Variants in FBXL13 observed in about 807,000 individuals in gnomAD.
FBXL13 encodes F-box and leucine-rich repeat protein 13.
FBXL13 carries 67 observed loss-of-function variants against 83.6 expected under a neutral mutation model. The ratio of observed to expected loss-of-function variants is 0.80; its 90% CI spans 0.66 to 0.98. The LOEUF is 0.98. Ranked by LOEUF, FBXL13 falls within the 50% of genes least tolerant of loss-of-function variation. The pLI is 0.00. For missense variants in FBXL13, 822 were observed against 866.5 expected, an observed-to-expected ratio of 0.95 and a Z score of 0.64; for synonymous variants, 272 against 299.5, an observed-to-expected ratio of 0.91 and a Z score of 0.95.
At chr7:102,970,200 A>G (rs1826471020) in intron 6 of FBXL13, among the ~76,000 whole-genome samples, 1 of 150,920 alleles carries the variant, frequency 6.6e-6, no homozygotes. Context: ...GCAGTAAGCC[A>G]TGGTCATGCG....
chr7:102,935,728 T>C (rs979527176), intron 8 of FBXL13, among the ~76,000 whole-genome samples: 2 of 152,164 alleles, frequency 1.3e-5, no homozygotes, highest in South Asian at 2.1e-4. Context: ...TAACGAACCA[T>C]GTAACAATGT....
At chr7:103,043,304 T>G (rs904146490) in intron 2 of FBXL13, among the ~76,000 whole-genome samples, 4 of 152,130 alleles carry the variant, frequency 2.6e-5, no homozygotes, top group Admixed American at 6.5e-5. Flanking sequence ...TGGAGATCAT[T>G]AAGAAGTCAG....
chr7:102,962,153 A>G (rs1305634826), intron 8 of FBXL13, among the ~76,000 whole-genome samples: 1 of 150,954 alleles, frequency 6.6e-6, no homozygotes, highest in Admixed American at 6.6e-5. Flanking sequence ...AAAACAAACA[A>G]CCCCATCAAA....
intron 16 of FBXL13, among the ~76,000 whole-genome samples, chr7:102,861,549 G>A (rs1256183178): frequency 2.0e-5 from 3 of 152,134 alleles, no homozygotes; most frequent in African/African-American, 4.8e-5. Context: ...TTTATTAGAA[G>A]AGGTATATTT....
At chr7:102,843,155 A>T (rs1037839886) in intron 17 of FBXL13, among the ~76,000 whole-genome samples, 1 of 152,220 alleles carries the variant, frequency 6.6e-6, no homozygotes, top group African/African-American at 2.4e-5. Context: ...TGTTATTTCA[A>T]GTGGTAGGCC....
chr7:103,069,117 G>A (rs533326511), intron 1 of FBXL13, among the ~76,000 whole-genome samples: 9 of 149,212 alleles, frequency 6.0e-5, no homozygotes, highest in South Asian at 4.2e-4. Flanking sequence ...CCTGGCTGTC[G>A]CCCCCTCTGG....
In FBXL13 at chr7:103,055,871, A is replaced by T. The variant is rs1418076738; in HGVS notation, c.-104-124T>A. On this transcript the variant is annotated intron_variant, in intron 1 of 19. Coordinates refer to ENST00000313221, the Ensembl canonical transcript of FBXL13. Reference sequence around the variant, plus strand: ...TTGGTTTTTAATTATTTATTTCCATAGGTTTTTGGGGAACAGGTGGTGTTT... The same window carrying T: ...TTGGTTTTTAATTATTTATTTCCATTGGTTTTTGGGGAACAGGTGGTGTTT... 1.2e-5 allele frequency: 5 copies of T among 428,810 alleles called. No individual in the cohort carries two copies. The Admixed American group carries it at 1.9e-4, about 16-fold the overall frequency. The allele number at this position is 428,810 out of a possible 1,614,324, so 26.6% of individuals were successfully genotyped here. A position where few individuals can be genotyped will look rare whatever the true frequency, so the allele number is the denominator to read the frequency against.
chr7:102,816,376 T>G (rs907879050), intron 19 of FBXL13: 1 of 152,224 alleles, frequency 6.6e-6, no homozygotes, highest in Non-Finnish European at 1.5e-5. Context: ...AATCTAGGAT[T>G]ATTTTTAGAG....
chr7:103,048,932 A>G (rs371434500), intron 2 of FBXL13, among the ~76,000 whole-genome samples: 14 of 152,192 alleles, frequency 9.2e-5, no homozygotes, highest in African/African-American at 3.1e-4. Flanking sequence ...TTGCGTGTAA[A>G]CCTAGTTTTT....
At chr7:102,871,225 C>A (rs1210646290) in intron 16 of FBXL13, among the ~76,000 whole-genome samples, 1 of 152,084 alleles carries the variant, frequency 6.6e-6, no homozygotes, top group Non-Finnish European at 1.5e-5. Context: ...GTCCGGTAAT[C>A]ATTTCTCTCC....
intron 16 of FBXL13, among the ~76,000 whole-genome samples, chr7:102,862,071 G>A (rs1278350438): frequency 3.3e-5 from 5 of 151,914 alleles, no homozygotes; most frequent in Non-Finnish European, 7.4e-5. Context: ...TGGGCAGGGC[G>A]CAGTGGCTCA....
At chr7:103,011,001 C>G (rs1354487844) in intron 6 of FBXL13, among the ~76,000 whole-genome samples, 1 of 151,896 alleles carries the variant, frequency 6.6e-6, no homozygotes, top group Non-Finnish European at 1.5e-5. Flanking sequence ...ATAATCAAAC[C>G]CCAAGGGCAT....
At chr7:103,044,746 G>A (rs530327683) in intron 2 of FBXL13, among the ~76,000 whole-genome samples, 13 of 152,280 alleles carry the variant, frequency 8.5e-5, no homozygotes, top group South Asian at 6.2e-4. Flanking sequence ...CCCATCTGGA[G>A]ATTTCATTTC....
At chr7:102,883,633 G>A (rs754467974) in exon 13 of FBXL13, 4 of 1,612,148 alleles carry the variant, frequency 2.5e-6, no homozygotes, top group South Asian at 2.2e-5. Flanking sequence ...GGAGATATGC[G>A]GTGCACCAGT....
chr7:102,903,946 T>TTTTTTTC (rs1813347911), intron 11 of FBXL13, among the ~76,000 whole-genome samples: 3 of 142,996 alleles, frequency 2.1e-5, no homozygotes, highest in African/African-American at 5.3e-5. Flanking sequence ...TTTCTTTTTT[T>TTTTTTTC]TTTTTTTTTT....
At chr7:103,046,462 T>C (rs959805985) in intron 2 of FBXL13, among the ~76,000 whole-genome samples, 2 of 152,224 alleles carry the variant, frequency 1.3e-5, no homozygotes, top group African/African-American at 4.8e-5. Context: ...CAATGTTCTA[T>C]TTAACCCATG....
chr7:102,836,288 T>TAAA (rs1801963062), intron 17 of FBXL13, among the ~76,000 whole-genome samples: 1 of 152,226 alleles, frequency 6.6e-6, no homozygotes, highest in African/African-American at 2.4e-5. Flanking sequence ...GGTCTAAGGC[T>TAAA]TTATGCTAAA....
At chr7:102,846,853 C>T (rs958560981) in intron 17 of FBXL13, among the ~76,000 whole-genome samples, 1 of 152,140 alleles carries the variant, frequency 6.6e-6, no homozygotes, top group African/African-American at 2.4e-5. Context: ...GCACAAACAG[C>T]ATTTGCTTAT....
chr7:102,960,047 T>G (rs553160124), intron 8 of FBXL13, among the ~76,000 whole-genome samples: 14 of 152,044 alleles, frequency 9.2e-5, no homozygotes, highest in Non-Finnish European at 1.6e-4. Flanking sequence ...TTTGAGTAAG[T>G]GAATAGGTTT....
Sources: allele counts gnomAD v4.1 joint callset (sites outside exome capture counted in the v4.1 genomes callset), GRCh38; gene constraint gnomAD v4.1.1; transcripts MANE v1.5; gene names NCBI Gene and HGNC (gene_info 2026-07-23, HGNC 2026-07-21).